Variants in ANKRD55 observed in about 807,000 individuals in gnomAD.
The protein encoded by ANKRD55 is ankyrin repeat domain 55.
Under a neutral mutation model 60.6 loss-of-function variants are expected in ANKRD55, and 41 were observed. The ratio of observed to expected loss-of-function variants is 0.68; its 90% CI spans 0.53 to 0.88. ANKRD55 has a LOEUF of 0.88. Ranked by LOEUF, ANKRD55 falls within the 40% of genes least tolerant of loss-of-function variation. ANKRD55 has a pLI of 0.00. For missense variants in ANKRD55, 732 were observed against 767.6 expected (o/e 0.95, Z 0.55); for synonymous variants, 264 against 290.3 (o/e 0.91, Z 0.92).
At position 56,126,865 on chromosome 5, in the gene ANKRD55, A is replaced by G. The variant is rs568634974; in HGVS notation, c.797+57T>C. On this transcript the variant is annotated intron_variant, in intron 8 of 11. Coordinates refer to ENST00000341048, the MANE Select transcript of ANKRD55 (RefSeq NM_024669.3). ...CTCCTTAAACATCTCCTTTATTTTA[A>G]GATTCAGTTAGGGGGAAATGACTAG... The G allele has an allele frequency of 1.3e-5, 20 of 1,530,022 alleles. No homozygotes were observed. In the African/African-American group the frequency reaches 1.7e-4, roughly 13 times the overall value. 94.8% of individuals were successfully genotyped at this position (1,530,022 alleles called of 1,614,324 possible).
At chr5:56,222,867 C>A (rs1760004684) in intron 2 of ANKRD55, among the ~76,000 whole-genome samples, 1 of 152,204 alleles carries the variant, frequency 6.6e-6, no homozygotes, top group South Asian at 2.1e-4. Flanking sequence ...AAGACCAAAT[C>A]TACGTCTGAT....
At chr5:56,113,319 C>A (rs1184848326) in intron 9 of ANKRD55, among the ~76,000 whole-genome samples, 2 of 152,012 alleles carry the variant, frequency 1.3e-5, no homozygotes, top group African/African-American at 4.8e-5. Context: ...TGCCTCAGTA[C>A]AAATCAGGAC....
At chr5:56,131,775 A>G (rs545488548) in intron 7 of ANKRD55, among the ~76,000 whole-genome samples, 258 of 142,348 alleles carry the variant, frequency 1.8e-3, no homozygotes, top group African/African-American at 5.5e-3. Flanking sequence ...CAGCCTGGGC[A>G]ACAGAGCAAG....
At chr5:56,161,860 C>T (rs1282067239) in intron 5 of ANKRD55, 1 of 488,710 alleles carries the variant, frequency 2.0e-6, no homozygotes, top group Non-Finnish European at 2.7e-6. Flanking sequence ...TAGATGTAGC[C>T]TTTGGTAGGA....
At chr5:56,184,286 G>A (rs1758918318) in intron 2 of ANKRD55, among the ~76,000 whole-genome samples, 1 of 152,230 alleles carries the variant, frequency 6.6e-6, no homozygotes, top group Non-Finnish European at 1.5e-5. Context: ...TTTCTTGGCA[G>A]AGCCAGTCTC....
At chr5:56,137,184 T>G in intron 7 of ANKRD55, 1 of 1,604,740 alleles carries the variant, frequency 6.2e-7, no homozygotes, top group Non-Finnish European at 8.5e-7. Flanking sequence ...AGTTGGCAAG[T>G]GTGCCCAGGC....
Position 56,100,035 on chromosome 5 carries a change from T to G in ANKRD55, c.*148A>C. On this transcript the variant is annotated 3_prime_UTR_variant, in exon 12 of 12. Coordinates refer to ENST00000341048, the MANE Select transcript of ANKRD55 (RefSeq NM_024669.3). ...TGCTTATTTAGGGAGTATCTTTATT[T>G]GGAATAAAGAATTTCGAGTTATAAA... The G allele has an allele frequency of 9.6e-7, 1 of 1,040,094 alleles. No individual in the cohort carries two copies. Among genetic ancestry groups the G allele is most frequent in the Non-Finnish European group, 1.4e-6 (1 of 708,162 alleles). The allele number at this position is 1,040,094 out of a possible 1,614,324, so 64.4% of individuals were successfully genotyped here.
chr5:56,195,735 C>T (rs564948616), intron 2 of ANKRD55, among the ~76,000 whole-genome samples: 7 of 152,270 alleles, frequency 4.6e-5, no homozygotes, highest in African/African-American at 1.7e-4. Flanking sequence ...TGAGCCACAG[C>T]GCCTGGCTAG....
intron 2 of ANKRD55, among the ~76,000 whole-genome samples, chr5:56,186,479 GTAA>G (rs1758976834): frequency 6.6e-6 from 1 of 152,082 alleles, no homozygotes; most frequent in Admixed American, 6.5e-5. Context: ...TAAAATGAAG[GTAA>G]TAATGATGAT....
chr5:56,182,944 G>C (rs1758881819), intron 3 of ANKRD55, among the ~76,000 whole-genome samples: 1 of 152,106 alleles, frequency 6.6e-6, no homozygotes, highest in Admixed American at 6.5e-5. Context: ...GGCTTTTGTT[G>C]TTTTTCTTGC....
At chr5:56,201,718 T>G (rs1320647407) in intron 2 of ANKRD55, among the ~76,000 whole-genome samples, 1 of 152,122 alleles carries the variant, frequency 6.6e-6, no homozygotes, top group Non-Finnish European at 1.5e-5. Flanking sequence ...ATATTCAAAG[T>G]GTGTTAATTA....
Position 56,166,158 on chromosome 5 carries a change from T to TTTCTTTCCTTCC in ANKRD55, c.422+4535_422+4536insGGAAGGAAAGAA, listed in dbSNP as rs1554040812. Among the ~76,000 whole-genome samples, 69 of 72,454 alleles carry TTTCTTTCCTTCC rather than the reference T, an allele frequency of 9.5e-4. 3 individuals are homozygous for TTTCTTTCCTTCC. The highest frequency in any genetic ancestry group is 8.7e-3 in the East Asian group (11 of 1,268). 47.5% of individuals were successfully genotyped at this position (72,454 alleles called of 152,430 possible). A position where few individuals can be genotyped will look rare whatever the true frequency, so the allele number is the denominator to read the frequency against. On this transcript the variant is annotated intron_variant, in intron 5 of 11. Coordinates refer to ENST00000341048, the MANE Select transcript of ANKRD55 (RefSeq NM_024669.3). ...TCTTTCTTTCTTTCTTTCTTTCTTC[T>TTTCTTTCCTTCC]TTCCTTCCTTCCTTCCTTCCTTCCT...
intron 2 of ANKRD55, among the ~76,000 whole-genome samples, chr5:56,230,990 G>A (rs1379602195): frequency 6.6e-6 from 1 of 151,764 alleles, no homozygotes; most frequent in African/African-American, 2.4e-5. Flanking sequence ...TATTATTTTA[G>A]ATCCTCACAA....
chr5:56,215,768 C>T (rs761819662), intron 2 of ANKRD55, among the ~76,000 whole-genome samples: 8 of 152,144 alleles, frequency 5.3e-5, no homozygotes, highest in Non-Finnish European at 1.0e-4. Flanking sequence ...AAGTCTGTGG[C>T]ACGGATTAAG....
intron 2 of ANKRD55, among the ~76,000 whole-genome samples, chr5:56,186,842 G>A (rs1758985886): frequency 6.6e-6 from 1 of 152,196 alleles, no homozygotes; most frequent in South Asian, 2.1e-4. Context: ...CAAAGATGGA[G>A]CTGGTATCTG....
At chr5:56,154,124 C>A (rs1758130273) in intron 6 of ANKRD55, among the ~76,000 whole-genome samples, 1 of 147,356 alleles carries the variant, frequency 6.8e-6, no homozygotes, top group South Asian at 2.1e-4. Flanking sequence ...GAGGCAGAAC[C>A]CAGGAGGTGG....
At chr5:56,109,435 T>G (rs917855051) in intron 10 of ANKRD55, among the ~76,000 whole-genome samples, 1 of 152,136 alleles carries the variant, frequency 6.6e-6, no homozygotes, top group African/African-American at 2.4e-5. Context: ...TATTGACAAT[T>G]TACTTAAAAA....
intron 2 of ANKRD55, among the ~76,000 whole-genome samples, chr5:56,217,828 A>G (rs111601888): frequency 0.099 from 15,034 of 151,844 alleles, 1,321 homozygotes; most frequent in African/African-American, 0.24. Flanking sequence ...CCCAGGCGGC[A>G]GAACTTGCAG....
chr5:56,112,214 T>C (rs1377310337), intron 9 of ANKRD55, among the ~76,000 whole-genome samples: 1 of 152,046 alleles, frequency 6.6e-6, no homozygotes, highest in Non-Finnish European at 1.5e-5. Context: ...AGCAGAAGGA[T>C]GGAGGAGGTT....
Sources: gnomAD v4.1 joint callset for allele counts (sites outside exome capture counted in the v4.1 genomes callset) on GRCh38, gnomAD v4.1.1 for gene constraint, MANE v1.5 for transcripts, NCBI Gene and HGNC (gene_info 2026-07-23, HGNC 2026-07-21) for gene names.